TRAF2: variants seen among roughly 807,000 people sequenced by gnomAD.
The protein encoded by TRAF2 is TNF receptor-associated factor 2.
A neutral mutation model predicts 55.6 loss-of-function variants in TRAF2; 6 were observed. The ratio of observed to expected loss-of-function variants is 0.11; its 90% CI spans 0.06 to 0.21. The LOEUF (loss-of-function observed/expected upper bound fraction) is 0.21, where lower values mean the gene tolerates loss of function less well. Among genes scored for constraint, TRAF2 ranks in the 10% least tolerant of loss-of-function variants. TRAF2 has a pLI of 1.00. For missense variants in TRAF2, 561 were observed against 684.5 expected (o/e 0.82, Z 2.01); for synonymous variants, 329 against 276.3 (o/e 1.19, Z -1.89).
intron 3 of TRAF2, among the ~76,000 whole-genome samples, chr9:136,900,178 A>T (rs924816524): frequency 5.6e-5 from 7 of 125,650 alleles, no homozygotes; most frequent in African/African-American, 2.6e-4. Context: ...TTAAAAAAAA[A>T]AAAAGAATAA....
At position 136,909,922 on chromosome 9, in the gene TRAF2, G is replaced by A. The variant is rs763750958; in HGVS notation, c.531G>A (p.Ala177=). The change falls in exon 6 of 11, where the codon GCG becomes GCA. Residue 177 remains alanine (A), a splice_region_variant and synonymous_variant. Transcript: ENST00000247668. ...ACTCCTGATCCCTTCTTTTGAAGGC[G>A]CACCACGAGGTCTGCCCCAAGTTCC... The part of the protein sequence containing the change: ...RAPCCGADVK[A]HHEVCPKFPL... 15 of 1,614,026 alleles carry A rather than the reference G, an allele frequency of 9.3e-6. No individual in the cohort carries two copies. In the African/African-American group the frequency reaches 9.3e-5, roughly 10 times the overall value.
At chr9:136,902,914 T>G (rs1012893527) in intron 4 of TRAF2, among the ~76,000 whole-genome samples, 1 of 152,152 alleles carries the variant, frequency 6.6e-6, no homozygotes, top group Non-Finnish European at 1.5e-5. Flanking sequence ...CTGCTTAGCT[T>G]TTGAATGTTT....
At position 136,920,619 on chromosome 9, in the gene TRAF2, C is replaced by A. The variant is rs989042145; in HGVS notation, c.960+104C>A. On this transcript the variant is annotated intron_variant, in intron 8 of 10. Transcript: ENST00000247668. ...AGGTCCTGGAGCTTTAGAGCCCGGACAATGTAGAACTCCATCTGCAAACCC... is the reference window on the plus strand; with the variant it reads ...AGGTCCTGGAGCTTTAGAGCCCGGAAAATGTAGAACTCCATCTGCAAACCC... The A allele has an allele frequency of 1.7e-5, 23 of 1,383,080 alleles. No homozygotes were observed. The East Asian group carries it at 4.5e-4, about 27-fold the overall frequency. The allele number at this position is 1,383,080 out of a possible 1,614,324, so 85.7% of individuals were successfully genotyped here. A position where few individuals can be genotyped will look rare whatever the true frequency, so the allele number is the denominator to read the frequency against.
chr9:136,926,127 A>G lies in TRAF2; in HGVS notation c.*226A>G, dbSNP rs769473563. The G allele has an allele frequency of 4.1e-6, 3 of 732,290 alleles. No individual in the cohort carries two copies. Among genetic ancestry groups the G allele is most frequent in the African/African-American group, 1.7e-5 (1 of 58,474 alleles). The allele number at this position is 732,290 out of a possible 1,614,324, so 45.4% of individuals were successfully genotyped here. A position where few individuals can be genotyped will look rare whatever the true frequency, so the allele number is the denominator to read the frequency against. ...AGGGGCTTGGCAGACGGTCTTAGCC[A>G]AGGGCTGTGGTGGCATTGGCCGAGG... On this transcript the variant is annotated 3_prime_UTR_variant, in exon 11 of 11. Transcript: ENST00000247668.
In TRAF2 at chr9:136,920,460, C is replaced by T. The variant is rs767867108; in HGVS notation, c.905C>T (p.Ala302Val). Residue 302 changes from alanine to valine, a missense_variant, in exon 8 of 11, where the codon GCC (alanine) becomes GTC (valine). Ala to Val is a moderately conservative substitution (Grantham distance 64). Coordinates refer to ENST00000247668, the MANE Select transcript of TRAF2 (RefSeq NM_021138.4). Reference protein sequence around the residue: ...EVERVAMTAEACSRQHRLDQD... With the variant: ...EVERVAMTAEVCSRQHRLDQD... ...GAGAGGGTGGCCATGACTGCCGAGG[C>T]CTGCAGCCGGCAGCACCGGCTGGAC... 1 of 1,613,572 alleles carries T rather than the reference C, an allele frequency of 6.2e-7. No homozygotes were observed. The highest frequency in any genetic ancestry group is 1.1e-5 in the South Asian group (1 of 91,084).
chr9:136,924,033 G>A (rs762472648), intron 10 of TRAF2, 33 bp downstream of exon 10: 16 of 1,606,340 alleles, frequency 1.0e-5, no homozygotes, highest in African/African-American at 2.7e-5. Flanking sequence ...CGCTAGGGCC[G>A]CACCTGGGAG....
rs755453360 is a variant in TRAF2, at chr9:136,908,224, A to C, written c.521A>C (p.Asp174Ala). Residue 174 changes from aspartate (D) to alanine (A), a missense_variant, in exon 5 of 11, where the codon GAC becomes GCC. Asp to Ala is a moderately radical substitution (Grantham distance 126). This residue lies in a region of TRAF2 where 426 missense variants were observed against 476.8 expected (regional missense o/e 0.89). Transcript: ENST00000247668. ...RHCRAPCCGA[D>A]VKAHHEVCPK... ...TGCCGGGCACCCTGCTGCGGAGCAGACGTGAAGGTGCGTGGGGTGGAGCAG... is the reference window on the plus strand; with the variant it reads ...TGCCGGGCACCCTGCTGCGGAGCAGCCGTGAAGGTGCGTGGGGTGGAGCAG... 1 of 1,586,026 alleles carries C rather than the reference A, an allele frequency of 6.3e-7. No individual in the cohort carries two copies. Among genetic ancestry groups the C allele is most frequent in the South Asian group, 1.1e-5 (1 of 89,760 alleles).
chr9:136,906,245 C>T (rs966869974), intron 4 of TRAF2, among the ~76,000 whole-genome samples: 2 of 152,192 alleles, frequency 1.3e-5, no homozygotes, highest in African/African-American at 4.8e-5. Context: ...TACCCCTGCA[C>T]TCCAGCCTAG....
intron 6 of TRAF2, among the ~76,000 whole-genome samples, chr9:136,916,072 C>G (rs1227948487): frequency 6.6e-6 from 1 of 152,092 alleles, no homozygotes; most frequent in Non-Finnish European, 1.5e-5. Context: ...TTCCCTGGTT[C>G]GATGTTCCTG....
At chr9:136,924,047 C>T (rs1199807246) in intron 10 of TRAF2, 47 bp downstream of exon 10, 1 of 1,601,218 alleles carries the variant, frequency 6.2e-7, no homozygotes, top group Non-Finnish European at 8.5e-7. Context: ...CTGGGAGTCC[C>T]TCTGGGCAGT....
chr9:136,909,598 C>T (rs532591453), intron 5 of TRAF2, among the ~76,000 whole-genome samples: 111 of 152,370 alleles, frequency 7.3e-4, no homozygotes, highest in Admixed American at 1.6e-3. Context: ...GCCCTCCCAC[C>T]GGCCTCGCCT....
chr9:136,925,925 G>T lies in TRAF2; in HGVS notation c.*24G>T. Reference sequence around the variant, plus strand: ...AACTGCCCCCTACTGGTGTCTGGGGGTTGGGGGCAGCCAGGCACAGCCGGC... The same window carrying T: ...AACTGCCCCCTACTGGTGTCTGGGGTTTGGGGGCAGCCAGGCACAGCCGGC... On this transcript the variant is annotated 3_prime_UTR_variant, in exon 11 of 11. Transcript: ENST00000247668. 1 of 1,612,924 alleles carries T rather than the reference G, an allele frequency of 6.2e-7. No homozygotes were observed. Among genetic ancestry groups the T allele is most frequent in the African/African-American group, 1.3e-5 (1 of 75,050 alleles).
rs772371494 is a variant in TRAF2 at position 136,926,026 on chromosome 9, G to T, written c.*125G>T. 1.9e-5 allele frequency: 23 copies of T among 1,195,442 alleles called. No homozygotes were observed. The African/African-American group carries it at 3.1e-4, about 16-fold the overall frequency. The allele number at this position is 1,195,442 out of a possible 1,614,324, so 74.1% of individuals were successfully genotyped here. A position where few individuals can be genotyped will look rare whatever the true frequency, so the allele number is the denominator to read the frequency against. On this transcript the variant is annotated 3_prime_UTR_variant, in exon 11 of 11. Transcript: ENST00000247668. ...GGGGCCGCGCTTGGGCGCTTGGGAG[G>T]GTGTCGGCCTGCAGCCAAGTTCACT...
chr9:136,896,178 T>C (rs551618148), intron 1 of TRAF2, among the ~76,000 whole-genome samples: 1 of 152,286 alleles, frequency 6.6e-6, no homozygotes, highest in South Asian at 2.1e-4. Context: ...ATGACCCCAA[T>C]TCCTGCCTCC....
chr9:136,926,419 C>T lies in TRAF2; in HGVS notation c.*518C>T, dbSNP rs914148271. The T allele has an allele frequency of 1.7e-5, 5 of 301,530 alleles. No homozygotes were observed. The highest frequency in any genetic ancestry group is 3.3e-5 in the Non-Finnish European group (5 of 151,126). The allele number at this position is 301,530 out of a possible 1,614,324, so 18.7% of individuals were successfully genotyped here. On this transcript the variant is annotated 3_prime_UTR_variant, in exon 11 of 11. Transcript: ENST00000247668. ...GGAGAGAAGGGAGCATTCCTAGACC[C>T]CTGGGTGCTTGTCTGCACAGAGCTC... is the stretch of plus-strand genomic sequence containing the variant.
chr9:136,886,383 C>T (rs932098282), upstream of TRAF2: 1 of 984,454 alleles, frequency 1.0e-6, no homozygotes, highest in Non-Finnish European at 1.2e-6. Context: ...CGGAGCGGGG[C>T]GTATCTGGCC....
chr9:136,914,251 G>A (rs1850188945), intron 6 of TRAF2, among the ~76,000 whole-genome samples: 2 of 152,174 alleles, frequency 1.3e-5, no homozygotes. Flanking sequence ...GGGCAGCCTG[G>A]GGGACTTGTC....
intron 7 of TRAF2, among the ~76,000 whole-genome samples, chr9:136,918,112 G>A (rs1336587688): frequency 1.3e-5 from 2 of 151,490 alleles, no homozygotes; most frequent in Non-Finnish European, 2.9e-5. Flanking sequence ...GCGAGCTCTC[G>A]TCCAGCTGTT....
At chr9:136,920,564 G>A in intron 8 of TRAF2, 49 bp downstream of exon 8, 2 of 1,548,912 alleles carry the variant, frequency 1.3e-6, no homozygotes, top group Non-Finnish European at 1.7e-6. Flanking sequence ...TGTAAAGGGG[G>A]ATAGTGTTCG....
Sources: gnomAD v4.1 joint callset for allele counts (sites outside exome capture counted in the v4.1 genomes callset) on GRCh38, gnomAD v4.1.1 for gene constraint, gnomAD v4.1.1 regional missense constraint, MANE v1.5 for transcripts, NCBI Gene and HGNC (gene_info 2026-07-23, HGNC 2026-07-21) for gene names.